Variants in DENND5A observed in about 807,000 individuals in gnomAD.
The protein encoded by DENND5A is DENN domain containing 5A, also known as DENN domain-containing protein 5A.
In DENND5A, 64 loss-of-function variants were observed where a neutral mutation model predicts 140.3. The observed-to-expected ratio is 0.46, with a 90% CI of 0.37 to 0.56. The LOEUF (loss-of-function observed/expected upper bound fraction) is 0.56. Ranked by LOEUF, DENND5A falls within the 20% of genes least tolerant of loss-of-function variation. DENND5A has a pLI of 0.00. For missense variants in DENND5A, 1,292 were observed against 1,593.8 expected (o/e 0.81, Z 3.22); for synonymous variants, 605 against 607.7 (o/e 1.00, Z 0.07).
intron 8 of DENND5A, chr11:9,176,676 G>A: frequency 3.9e-6 from 1 of 257,690 alleles, no homozygotes. Flanking sequence ...CAGAGAAGAA[G>A]AATCAACTGA....
At chr11:9,165,244 C>T (rs1848148573) in intron 11 of DENND5A, among the ~76,000 whole-genome samples, 1 of 152,136 alleles carries the variant, frequency 6.6e-6, no homozygotes, top group African/African-American at 2.4e-5. Flanking sequence ...TCGTGATCTG[C>T]CTGCCTCAGC....
At chr11:9,225,939 A>C (rs1850512454) in intron 1 of DENND5A, among the ~76,000 whole-genome samples, 1 of 152,016 alleles carries the variant, frequency 6.6e-6, no homozygotes, top group Admixed American at 6.6e-5. Flanking sequence ...AAATTAGCTG[A>C]GTATGTTGGC....
chr11:9,211,423 A>G (rs1849873757), intron 1 of DENND5A, among the ~76,000 whole-genome samples: 1 of 152,126 alleles, frequency 6.6e-6, no homozygotes, highest in Non-Finnish European at 1.5e-5. Context: ...AAAAATAATA[A>G]CAATAATAAT....
chr11:9,224,927 A>G (rs2136240763), intron 1 of DENND5A, among the ~76,000 whole-genome samples: 1 of 152,002 alleles, frequency 6.6e-6, no homozygotes, highest in African/African-American at 2.4e-5. Flanking sequence ...TCTTCTGGAA[A>G]TTTTCTGTGA....
chr11:9,215,764 G>A (rs926763152), intron 1 of DENND5A, among the ~76,000 whole-genome samples: 2 of 151,952 alleles, frequency 1.3e-5, no homozygotes, highest in African/African-American at 4.8e-5. Context: ...TGGCCAGGCT[G>A]ATCTCAAACC....
intron 5 of DENND5A, among the ~76,000 whole-genome samples, chr11:9,185,884 A>T (rs144532772): frequency 1.8e-3 from 262 of 147,728 alleles, no homozygotes; most frequent in Middle Eastern, 0.014. Flanking sequence ...CGTTTTCTGG[A>T]TGTTTACGTG....
intron 4 of DENND5A, among the ~76,000 whole-genome samples, chr11:9,202,309 A>G (rs1382317264): frequency 6.6e-6 from 1 of 152,192 alleles, no homozygotes; most frequent in African/African-American, 2.4e-5. Flanking sequence ...AAACTTTAAT[A>G]TAGTATTGTC....
chr11:9,175,976 T>C (rs1406225049), intron 8 of DENND5A, among the ~76,000 whole-genome samples: 1 of 152,200 alleles, frequency 6.6e-6, no homozygotes, highest in African/African-American at 2.4e-5. Flanking sequence ...AAATAAAAGA[T>C]TTTGTTCTCA....
intron 1 of DENND5A, among the ~76,000 whole-genome samples, chr11:9,237,074 T>C (rs76555960): frequency 6.6e-6 from 1 of 152,182 alleles, no homozygotes; most frequent in East Asian, 1.9e-4. Flanking sequence ...CAAATGTATA[T>C]GAACTATATG....
intron 1 of DENND5A, among the ~76,000 whole-genome samples, chr11:9,224,289 G>GTCTA (rs1850444118): frequency 6.6e-6 from 1 of 152,160 alleles, no homozygotes; most frequent in African/African-American, 2.4e-5. Context: ...AAGCTTGGGG[G>GTCTA]TCTAGCATGA....
intron 8 of DENND5A, among the ~76,000 whole-genome samples, chr11:9,172,876 T>C (rs1346015149): frequency 6.6e-6 from 1 of 152,070 alleles, no homozygotes; most frequent in African/African-American, 2.4e-5. Flanking sequence ...AGTGCTGTGG[T>C]GTGATCTTGG....
intron 16 of DENND5A, among the ~76,000 whole-genome samples, chr11:9,146,431 G>A (rs1405257345): frequency 6.6e-6 from 1 of 152,184 alleles, no homozygotes; most frequent in East Asian, 1.9e-4. Flanking sequence ...CCTGGCATCA[G>A]GGAAAGAAGA....
chr11:9,204,066 T>C lies in DENND5A; in HGVS notation c.543A>G (p.Glu181=). Residue 181 remains glutamate (E), a synonymous_variant, in exon 4 of 23, where the codon GAA becomes GAG. Transcript: ENST00000328194. ...DRDQSSMEDG[E]DTPVTKLQRF... is the part of the protein sequence containing the mutation. ...GCTGCAGTTTGGTCACAGGAGTGTC[T>C]TCACCATCCTCCATGCTGCTCTGGT... 6.2e-7 allele frequency: 1 copy of C among 1,614,162 alleles called. No individual in the cohort carries two copies. The highest frequency in any genetic ancestry group is 8.5e-7 in the Non-Finnish European group (1 of 1,180,024).
At chr11:9,198,968 ACTC>A (rs1849429970) in intron 4 of DENND5A, among the ~76,000 whole-genome samples, 1 of 137,448 alleles carries the variant, frequency 7.3e-6, no homozygotes, top group Non-Finnish European at 1.6e-5. Context: ...GAGGCAGGAG[ACTC>A]ACTTGATCCC....
At chr11:9,261,677 A>G (rs1399960606) in intron 1 of DENND5A, among the ~76,000 whole-genome samples, 1 of 149,010 alleles carries the variant, frequency 6.7e-6, no homozygotes, top group African/African-American at 2.5e-5. Flanking sequence ...GCTACTCGGG[A>G]GGCTGAGGCA....
chr11:9,157,829 T>G (rs1847861108), intron 12 of DENND5A, among the ~76,000 whole-genome samples: 1 of 152,232 alleles, frequency 6.6e-6, no homozygotes, highest in African/African-American at 2.4e-5. Flanking sequence ...CAATTAATAT[T>G]CTGAAAGACA....
intron 1 of DENND5A, among the ~76,000 whole-genome samples, chr11:9,221,556 G>A (rs1397575327): frequency 6.6e-6 from 1 of 151,970 alleles, no homozygotes; most frequent in Non-Finnish European, 1.5e-5. Context: ...AGTAGAGATG[G>A]GGTTTCACCA....
intron 1 of DENND5A, among the ~76,000 whole-genome samples, chr11:9,248,299 T>C (rs1851565854): frequency 6.6e-6 from 1 of 152,064 alleles, no homozygotes; most frequent in South Asian, 2.1e-4. Context: ...TCGTATCTTA[T>C]TGTCAGAGTT....
chr11:9,160,763 G>A lies in DENND5A; in HGVS notation c.2386C>T (p.Leu796Phe), dbSNP rs1321613611. The A allele has an allele frequency of 3.7e-6, 6 of 1,613,608 alleles. No homozygotes were observed. Among genetic ancestry groups the A allele is most frequent in the Middle Eastern group, 1.6e-4 (1 of 6,080 alleles). The change falls in exon 12 of 23, where the codon CTT (leucine) becomes TTT (phenylalanine). Residue 796 changes from leucine (L) to phenylalanine (F), a missense_variant. This residue lies in a region of DENND5A where 498 missense variants were observed against 689.7 expected (regional missense o/e 0.72). Transcript: ENST00000328194. Reference protein sequence around the residue: ...GVEENTLIASLCDLLERIWSH... With the variant: ...GVEENTLIASFCDLLERIWSH... ...CAGATCCTTTCCAGGAGATCACAAAGGCTGGCAATCAGGGTGTTCTCTTCC... is the reference window on the plus strand; with the variant it reads ...CAGATCCTTTCCAGGAGATCACAAAAGCTGGCAATCAGGGTGTTCTCTTCC...
Sources: allele counts gnomAD v4.1 joint callset (sites outside exome capture counted in the v4.1 genomes callset), GRCh38; gene constraint gnomAD v4.1.1; regional missense constraint gnomAD v4.1.1; transcripts MANE v1.5; gene names NCBI Gene and HGNC (gene_info 2026-07-23, HGNC 2026-07-21).